Variants in SLC35F4 observed in about 807,000 individuals in gnomAD.
SLC35F4 encodes the protein solute carrier family 35 member F4.
A neutral mutation model predicts 44.2 loss-of-function variants in SLC35F4; 24 were observed. The observed-to-expected ratio is 0.54, with a 90% CI of 0.39 to 0.76. The LOEUF is 0.76. Ranked by LOEUF, SLC35F4 falls within the 30% of genes least tolerant of loss-of-function variation. The pLI is 0.00. For synonymous variants in SLC35F4, 238 were observed against 223.6 expected (o/e 1.06, Z -0.57); for missense variants, 562 against 586.1 (o/e 0.96, Z 0.42).
intron 1 of SLC35F4, among the ~76,000 whole-genome samples, chr14:57,754,243 C>T (rs113465078): frequency 1.3e-5 from 2 of 151,756 alleles, no homozygotes; most frequent in African/African-American, 4.8e-5. Flanking sequence ...TCTGGGATTA[C>T]ACACACATGC....
At chr14:57,687,157 T>C (rs1457768077) in intron 1 of SLC35F4, among the ~76,000 whole-genome samples, 1 of 152,168 alleles carries the variant, frequency 6.6e-6, no homozygotes, top group Non-Finnish European at 1.5e-5. Context: ...TCCAGAACTG[T>C]GAGAAAATAA....
downstream of SLC35F4, among the ~76,000 whole-genome samples, chr14:57,973,151 C>A (rs1019393327): frequency 2.0e-5 from 3 of 152,198 alleles, no homozygotes; most frequent in African/African-American, 7.2e-5. Flanking sequence ...AGTTCAGGCT[C>A]CTTGATGCCC....
At chr14:57,960,810 G>A (rs1481907562) in intron 1 of SLC35F4, among the ~76,000 whole-genome samples, 1 of 152,154 alleles carries the variant, frequency 6.6e-6, no homozygotes, top group Non-Finnish European at 1.5e-5. Flanking sequence ...GAAGAAGTTA[G>A]GCTGACTACC....
intron 1 of SLC35F4, among the ~76,000 whole-genome samples, chr14:57,931,675 G>A (rs1889699892): frequency 6.6e-6 from 1 of 152,188 alleles, no homozygotes; most frequent in Non-Finnish European, 1.5e-5. Flanking sequence ...TCTTGCCTGG[G>A]AGAGCTCCAA....
intron 4 of SLC35F4, 68 bp from the exon 5 acceptor site, chr14:57,572,087 G>A: frequency 6.4e-7 from 1 of 1,554,346 alleles, no homozygotes; most frequent in Non-Finnish European, 8.7e-7. Context: ...GGCAATTCAA[G>A]ACTTCCTGAA....
At chr14:57,810,734 C>CCT (rs1485473644) in intron 1 of SLC35F4, among the ~76,000 whole-genome samples, 4 of 152,182 alleles carry the variant, frequency 2.6e-5, no homozygotes, top group African/African-American at 9.7e-5. Context: ...AAAGGCCAGG[C>CCT]CTTAGCTTGG....
chr14:57,567,305 C>G (rs2068252896), intron 6 of SLC35F4, among the ~76,000 whole-genome samples: 1 of 152,102 alleles, frequency 6.6e-6, no homozygotes, highest in Non-Finnish European at 1.5e-5. Flanking sequence ...AAGCATTATT[C>G]TCATAGAGTC....
At chr14:57,920,177 T>A (rs75928612) in intron 1 of SLC35F4, among the ~76,000 whole-genome samples, 6 of 152,234 alleles carry the variant, frequency 3.9e-5, no homozygotes, top group Admixed American at 3.9e-4. Context: ...GCTAGTTCAA[T>A]TGAATTACAG....
chr14:57,801,962 G>A lies in SLC35F4; in HGVS notation c.103+63761C>T, dbSNP rs117887839. Among the ~76,000 whole-genome samples, 28 of 152,248 alleles carry A rather than the reference G, an allele frequency of 1.8e-4. No individual in the cohort carries two copies. The East Asian group carries it at 3.1e-3, about 17-fold the overall frequency. ...CAAAAATATCCAGGACCTAAACTCA[G>A]CTGTGGATCAAGTGGACCCAATAGA... On this transcript the variant is annotated intron_variant, in intron 1 of 7. Coordinates refer to ENST00000556826, the MANE Select transcript of SLC35F4 (RefSeq NM_001306087.2).
intron 4 of SLC35F4, among the ~76,000 whole-genome samples, chr14:57,576,784 T>C (rs1312360076): frequency 6.6e-6 from 1 of 152,094 alleles, no homozygotes; most frequent in East Asian, 1.9e-4. Context: ...CTGAATAAAA[T>C]CCATTTGAAA....
chr14:57,816,270 A>T (rs893216989), intron 1 of SLC35F4, among the ~76,000 whole-genome samples: 1 of 152,172 alleles, frequency 6.6e-6, no homozygotes, highest in African/African-American at 2.4e-5. Flanking sequence ...ACAGAGCCAA[A>T]TGGCTACACT....
intron 1 of SLC35F4, among the ~76,000 whole-genome samples, chr14:57,789,848 C>T (rs1377400594): frequency 6.6e-6 from 1 of 152,088 alleles, no homozygotes; most frequent in Non-Finnish European, 1.5e-5. Context: ...AACATACACA[C>T]ATCAATCAAT....
intron 1 of SLC35F4, among the ~76,000 whole-genome samples, chr14:57,602,906 C>T (rs151025257): frequency 1.3e-5 from 2 of 152,300 alleles, no homozygotes; most frequent in East Asian, 3.9e-4. Context: ...CCAAGAATAA[C>T]CCCTCTCCCT....
chr14:57,692,141 A>G (rs1234862614), intron 1 of SLC35F4, among the ~76,000 whole-genome samples: 1 of 152,190 alleles, frequency 6.6e-6, no homozygotes, highest in African/African-American at 2.4e-5. Context: ...AACAGACTAT[A>G]TTTGAAATTC....
chr14:57,932,413 C>T (rs555728313), intron 1 of SLC35F4, among the ~76,000 whole-genome samples: 18 of 152,294 alleles, frequency 1.2e-4, no homozygotes, highest in East Asian at 1.9e-4. Flanking sequence ...ATAGTTTTCA[C>T]GTCTTTTCAT....
chr14:57,828,742 T>A (rs1884049392), intron 1 of SLC35F4, among the ~76,000 whole-genome samples: 1 of 152,168 alleles, frequency 6.6e-6, no homozygotes, highest in African/African-American at 2.4e-5. Context: ...GTTGGACTGT[T>A]CTTTCAGAAA....
At chr14:57,812,226 G>A (rs1354415644) in intron 1 of SLC35F4, among the ~76,000 whole-genome samples, 1 of 152,078 alleles carries the variant, frequency 6.6e-6, no homozygotes, top group African/African-American at 2.4e-5. Context: ...AACATCCAAA[G>A]CAAGTGTAAA....
Position 57,877,470 on chromosome 14 carries a change from A to G in SLC35F4, n.282+104443T>C, listed in dbSNP as rs537194340. ...ATTGTTGCAATGAACATACACAAGC[A>G]TGTTCTTTATGATAGAACAACTTAT... is the stretch of plus-strand genomic sequence containing the variant. On this transcript the variant is annotated intron_variant and non_coding_transcript_variant, in intron 1 of 1. Coordinates refer to the SLC35F4 transcript ENST00000556568. 3.3e-5 allele frequency among the ~76,000 whole-genome samples: 5 copies of G among 152,260 alleles called. No individual in the cohort carries two copies. The South Asian group carries it at 1.0e-3, about 32-fold the overall frequency.
intron 1 of SLC35F4, among the ~76,000 whole-genome samples, chr14:57,714,719 T>C (rs1368508077): frequency 2.0e-5 from 3 of 152,050 alleles, no homozygotes; most frequent in African/African-American, 4.8e-5. Flanking sequence ...TCCAGCTCAG[T>C]GGGGAATGTG....
Sources: gnomAD v4.1 joint callset for allele counts (sites outside exome capture counted in the v4.1 genomes callset) on GRCh38, gnomAD v4.1.1 for gene constraint, MANE v1.5 for transcripts, NCBI Gene and HGNC (gene_info 2026-07-23, HGNC 2026-07-21) for gene names.